DLGAP1: variants seen among roughly 807,000 people sequenced by gnomAD.
The protein encoded by DLGAP1 is disks large-associated protein 1.
Under a neutral mutation model 90.8 loss-of-function variants are expected in DLGAP1, and 11 were observed. That is an observed-to-expected ratio of 0.12 (90% CI 0.08 to 0.20). The LOEUF is 0.20. Ranked by LOEUF, DLGAP1 falls within the 10% of genes least tolerant of loss-of-function variation. DLGAP1 has a pLI of 1.00. For missense variants in DLGAP1, 1,050 were observed against 1,333.8 expected (o/e 0.79, Z 3.31); for synonymous variants, 558 against 540.7 (o/e 1.03, Z -0.44).
At chr18:4,370,790 C>T (rs1158452329) in intron 1 of DLGAP1, among the ~76,000 whole-genome samples, 2 of 151,626 alleles carry the variant, frequency 1.3e-5, no homozygotes, top group African/African-American at 4.9e-5. Context: ...GAAATAAGAC[C>T]TGTTTGTGAT....
At chr18:3,858,885 G>A (rs1018407501) in intron 4 of DLGAP1, among the ~76,000 whole-genome samples, 3 of 151,908 alleles carry the variant, frequency 2.0e-5, no homozygotes, top group Non-Finnish European at 4.4e-5. Flanking sequence ...AATGTAAGAA[G>A]AAAAGTGGTG....
chr18:3,781,488 G>A (rs1176733461), intron 5 of DLGAP1, among the ~76,000 whole-genome samples: 1 of 151,988 alleles, frequency 6.6e-6, no homozygotes, highest in Non-Finnish European at 1.5e-5. Context: ...GAGTAGCTGG[G>A]ACTGCAGGCA....
In DLGAP1 at chr18:4,150,792, C is replaced by G. The variant is rs2076662703; in HGVS notation, c.-159+388G>C. 1.3e-5 allele frequency among the ~76,000 whole-genome samples: 2 copies of G among 152,182 alleles called. 1 individual carries two copies. Among genetic ancestry groups the G allele is most frequent in the South Asian group, 4.1e-4 (2 of 4,834 alleles). On this transcript the variant is annotated intron_variant, in intron 2 of 12. Coordinates refer to ENST00000315677, the MANE Select transcript of DLGAP1 (RefSeq NM_004746.4). ...TTGAACATGTCTGTGTGGATAAATG[C>G]AAATTTGTTCAATATGCTAAGAAAA...
chr18:4,393,880 G>A (rs139065624), intron 1 of DLGAP1, among the ~76,000 whole-genome samples: 156 of 152,290 alleles, frequency 1.0e-3, no homozygotes, highest in African/African-American at 3.6e-3. Context: ...GCTCACAACA[G>A]GGTTTGCGCT....
chr18:4,144,420 T>C (rs1437839613), intron 2 of DLGAP1, among the ~76,000 whole-genome samples: 1 of 152,110 alleles, frequency 6.6e-6, no homozygotes, highest in Non-Finnish European at 1.5e-5. Flanking sequence ...AGTCCCACAA[T>C]CACTGTGTTC....
At chr18:3,611,330 A>T (rs1428651468) in intron 7 of DLGAP1, among the ~76,000 whole-genome samples, 1 of 151,898 alleles carries the variant, frequency 6.6e-6, no homozygotes, top group African/African-American at 2.4e-5. Context: ...AGAAAATAAG[A>T]TTGCTGCTCC....
intron 7 of DLGAP1, among the ~76,000 whole-genome samples, chr18:3,692,023 G>A (rs2060914983): frequency 6.6e-6 from 1 of 152,182 alleles, no homozygotes; most frequent in African/African-American, 2.4e-5. Context: ...CGTAATGGTG[G>A]TTTGTATTTT....
At chr18:4,282,313 G>A (rs1222899721) in intron 1 of DLGAP1, among the ~76,000 whole-genome samples, 1 of 149,726 alleles carries the variant, frequency 6.7e-6, no homozygotes, top group African/African-American at 2.5e-5. Context: ...GCAGTGAGCC[G>A]AGATCGTGCC....
intron 3 of DLGAP1, chr18:3,995,866 G>T (rs1221628039): frequency 2.6e-5 from 4 of 151,942 alleles, no homozygotes; most frequent in Non-Finnish European, 4.4e-5. Flanking sequence ...AGATATTAAA[G>T]CATGCTAAGC....
chr18:3,519,997 T>C (rs551727091), intron 10 of DLGAP1, among the ~76,000 whole-genome samples: 1 of 152,362 alleles, frequency 6.6e-6, no homozygotes, highest in African/African-American at 2.4e-5. Context: ...TTCACCTATG[T>C]AACAAACCTG....
intron 5 of DLGAP1, among the ~76,000 whole-genome samples, chr18:3,747,636 G>A (rs8094646): frequency 0.21 from 32,015 of 152,070 alleles, 4,452 homozygotes; most frequent in African/African-American, 0.4. Context: ...AAAGTCCGGC[G>A]TTTTGAAAAA....
At chr18:3,701,228 TG>T in intron 7 of DLGAP1, among the ~76,000 whole-genome samples, 1 of 152,144 alleles carries the variant, frequency 6.6e-6, no homozygotes. Context: ...AGGAGCCAAA[TG>T]CCACATGACT....
At chr18:4,001,753 T>C (rs890959958) in intron 3 of DLGAP1, among the ~76,000 whole-genome samples, 1 of 152,150 alleles carries the variant, frequency 6.6e-6, no homozygotes, top group Non-Finnish European at 1.5e-5. Context: ...GTGGAGGAGA[T>C]GGCTATTAAG....
chr18:3,646,177 C>T (rs1318669508), intron 7 of DLGAP1, among the ~76,000 whole-genome samples: 1 of 152,138 alleles, frequency 6.6e-6, no homozygotes, highest in Non-Finnish European at 1.5e-5. Context: ...TGGAAGATAG[C>T]TTGAACCCAG....
At chr18:3,577,579 G>A (rs777875228) in intron 8 of DLGAP1, among the ~76,000 whole-genome samples, 1 of 152,188 alleles carries the variant, frequency 6.6e-6, no homozygotes, top group Non-Finnish European at 1.5e-5. Flanking sequence ...GAAGAAGCAC[G>A]ATCCTCAATG....
At chr18:3,922,098 A>G (rs540899542) in intron 3 of DLGAP1, among the ~76,000 whole-genome samples, 2 of 152,318 alleles carry the variant, frequency 1.3e-5, no homozygotes, top group African/African-American at 4.8e-5. Flanking sequence ...AGTGGTCATC[A>G]GTAGCAAATG....
chr18:3,893,417 A>G (rs7230224), intron 3 of DLGAP1, among the ~76,000 whole-genome samples: 27,134 of 151,534 alleles, frequency 0.18, 2,525 homozygotes, highest in Middle Eastern at 0.21. Context: ...TTTCTACTAA[A>G]AAAATACAAA....
intron 1 of DLGAP1, among the ~76,000 whole-genome samples, chr18:4,360,804 C>A (rs548877774): frequency 1.3e-5 from 2 of 152,238 alleles, no homozygotes; most frequent in South Asian, 2.1e-4. Flanking sequence ...CATGGCAAAA[C>A]CCTGTCTCTA....
chr18:3,580,261 G>A (rs1004286638), intron 8 of DLGAP1: 5 of 1,604,638 alleles, frequency 3.1e-6, no homozygotes, highest in Non-Finnish European at 4.3e-6. Context: ...TCAGTGGAGT[G>A]GGGGACGCTC....
Sources: allele counts gnomAD v4.1 joint callset (sites outside exome capture counted in the v4.1 genomes callset), GRCh38; gene constraint gnomAD v4.1.1; transcripts MANE v1.5; gene names NCBI Gene and HGNC (gene_info 2026-07-23, HGNC 2026-07-21).